ITGB3: variants seen among roughly 807,000 people sequenced by gnomAD.
The protein encoded by ITGB3 is integrin subunit beta 3.
A neutral mutation model predicts 85.8 loss-of-function variants in ITGB3; 48 were observed. The observed-to-expected ratio is 0.56, with a 90% confidence interval of 0.44 to 0.71. ITGB3 has a LOEUF of 0.71. ITGB3 is among the 30% of genes least tolerant of loss of function. The pLI is 0.00. For synonymous variants in ITGB3, 363 were observed against 395.6 expected (o/e 0.92, Z 0.98); for missense variants, 861 against 1,019.1 (o/e 0.84, Z 2.11).
intron 12 of ITGB3, among the ~76,000 whole-genome samples, chr17:47,301,086 C>T (rs2065165544): frequency 6.6e-6 from 1 of 152,180 alleles, no homozygotes; most frequent in Non-Finnish European, 1.5e-5. Context: ...TATCTGAAGT[C>T]CTTCTGCCTC....
At chr17:47,277,128 C>T (rs945828382) in intron 2 of ITGB3, among the ~76,000 whole-genome samples, 8 of 152,068 alleles carry the variant, frequency 5.3e-5, no homozygotes, top group Admixed American at 3.3e-4. Flanking sequence ...GATACCGACG[C>T]GGGTTGGGTT....
At chr17:47,264,934 A>AT (rs2143042857) in intron 1 of ITGB3, among the ~76,000 whole-genome samples, 1 of 152,180 alleles carries the variant, frequency 6.6e-6, no homozygotes, top group African/African-American at 2.4e-5. Flanking sequence ...TTTGTTGTGT[A>AT]TTTTTTGTTA....
At chr17:47,286,770 C>T (rs539597001) in intron 5 of ITGB3, among the ~76,000 whole-genome samples, 12 of 152,168 alleles carry the variant, frequency 7.9e-5, no homozygotes, top group South Asian at 4.1e-4. Flanking sequence ...TGTGGATGCA[C>T]GTCAGTTTCT....
intron 1 of ITGB3, among the ~76,000 whole-genome samples, 155 bp from the exon 2 acceptor site, chr17:47,274,264 C>T (rs563661454): frequency 6.6e-6 from 1 of 152,138 alleles, no homozygotes; most frequent in East Asian, 1.9e-4. Flanking sequence ...TAACCAATAA[C>T]CTGTATTTGG....
chr17:47,296,161 T>C (rs925005243), intron 10 of ITGB3, among the ~76,000 whole-genome samples: 8 of 152,196 alleles, frequency 5.3e-5, no homozygotes, highest in Admixed American at 5.2e-4. Context: ...GCCTTTCTGC[T>C]TTCCCCACCC....
intron 2 of ITGB3, among the ~76,000 whole-genome samples, chr17:47,280,778 G>T (rs1432917756): frequency 6.6e-6 from 1 of 152,094 alleles, no homozygotes; most frequent in Non-Finnish European, 1.5e-5. Context: ...TCCATCCCTC[G>T]CACATGCCCA....
intron 2 of ITGB3, among the ~76,000 whole-genome samples, chr17:47,275,598 C>G (rs2065060763): frequency 6.6e-6 from 1 of 152,218 alleles, no homozygotes; most frequent in Non-Finnish European, 1.5e-5. Context: ...GTCTCTCTGT[C>G]TGCTTCTTTT....
In ITGB3 at chr17:47,308,108, G is replaced by A. The variant is rs571354458; in HGVS notation, c.2301+471G>A. On this transcript the variant is annotated intron_variant, in intron 14 of 14. Coordinates refer to ENST00000559488, the MANE Select transcript of ITGB3 (RefSeq NM_000212.3). ...TTGAACCCAGTAGGTAGAGGTTGTAGTGAGCTGAGATTGCACCCTGCTCTG... is the reference window on the plus strand; with the variant it reads ...TTGAACCCAGTAGGTAGAGGTTGTAATGAGCTGAGATTGCACCCTGCTCTG... Among the ~76,000 whole-genome samples the A allele has an allele frequency of 2.0e-5, 3 of 150,772 alleles. No homozygotes were observed. The East Asian group carries it at 5.8e-4, about 29-fold the overall frequency.
At chr17:47,303,736 C>CT (rs1177707248) in intron 13 of ITGB3, 2 of 152,250 alleles carry the variant, frequency 1.3e-5, no homozygotes, top group Admixed American at 6.5e-5. Flanking sequence ...CCAACCAATG[C>CT]TGTCGATCGC....
rs1426162082 is a variant in ITGB3, at chr17:47,292,345, G to T, written c.1467G>T (p.Gly489=). ...TTGAGTGTGGGGTATGCCGTTGTGG[G>T]CCTGGCTGGCTGGGATCCCAGTGTG... ...GTFECGVCRC[G]PGWLGSQCEC... The change falls in exon 10 of 15, where the codon GGG becomes GGT. Residue 489 remains glycine, a synonymous_variant. Transcript: ENST00000559488. The T allele has an allele frequency of 1.2e-6, 2 of 1,614,188 alleles. No homozygotes were observed. The highest frequency in any genetic ancestry group is 1.1e-5 in the South Asian group (1 of 91,088).
chr17:47,263,912 T>G (rs375476250), intron 1 of ITGB3, among the ~76,000 whole-genome samples: 5 of 152,354 alleles, frequency 3.3e-5, no homozygotes, highest in Admixed American at 6.5e-5. Flanking sequence ...TGTTTTTCCC[T>G]TGTGAACAAA....
intron 14 of ITGB3, among the ~76,000 whole-genome samples, chr17:47,308,184 T>TAATAATAATAATAA (rs151170176): frequency 7.4e-5 from 11 of 148,694 alleles, no homozygotes; most frequent in African/African-American, 2.5e-4. Context: ...ATAATAATAA[T>TAATAATAATAATAA]AATAAAATAA....
chr17:47,283,305 T>C (rs1400797126), intron 2 of ITGB3, 49 bp from the exon 3 acceptor site: 3 of 1,586,560 alleles, frequency 1.9e-6, no homozygotes, highest in Non-Finnish European at 1.7e-6. Context: ...AGGTAGAGAG[T>C]CGCCATAGCT....
chr17:47,267,954 C>T (rs2065031199), intron 1 of ITGB3, among the ~76,000 whole-genome samples: 1 of 152,200 alleles, frequency 6.6e-6, no homozygotes, highest in Non-Finnish European at 1.5e-5. Context: ...CACAGTTCAA[C>T]ATGGCTTGGG....
intron 12 of ITGB3, 62 bp downstream of exon 12, chr17:47,300,640 C>A: frequency 8.1e-7 from 1 of 1,236,126 alleles, no homozygotes; most frequent in South Asian, 1.3e-5. Context: ...AATTCAATCC[C>A]AGAACCTATC....
intron 1 of ITGB3, among the ~76,000 whole-genome samples, chr17:47,260,623 T>C (rs955549326): frequency 5.9e-5 from 9 of 152,176 alleles, no homozygotes; most frequent in Admixed American, 4.6e-4. Context: ...ATCGCACGTG[T>C]TGAACTCCAG....
intron 1 of ITGB3, among the ~76,000 whole-genome samples, chr17:47,256,923 G>A (rs186995358): frequency 6.6e-6 from 1 of 152,290 alleles, no homozygotes; most frequent in African/African-American, 2.4e-5. Flanking sequence ...AGGCTTGTTG[G>A]CTTCGGAAAG....
chr17:47,264,180 A>C (rs929369430), intron 1 of ITGB3, among the ~76,000 whole-genome samples: 1 of 152,200 alleles, frequency 6.6e-6, no homozygotes, highest in African/African-American at 2.4e-5. Context: ...CCCAAAGTTG[A>C]AGAGAGGTGT....
chr17:47,256,318 A>C (rs1018966489), intron 1 of ITGB3, among the ~76,000 whole-genome samples: 2 of 152,188 alleles, frequency 1.3e-5, no homozygotes, highest in African/African-American at 4.8e-5. Context: ...ATTAAAAAAA[A>C]ATCCTTAGGC....
Sources: gnomAD v4.1 joint callset for allele counts (sites outside exome capture counted in the v4.1 genomes callset) on GRCh38, gnomAD v4.1.1 for gene constraint, MANE v1.5 for transcripts, NCBI Gene and HGNC (gene_info 2026-07-23, HGNC 2026-07-21) for gene names.